SS18: variants seen among roughly 807,000 people sequenced by gnomAD.
SS18 encodes the protein protein SSXT.
Under a neutral mutation model 72.5 loss-of-function variants are expected in SS18, and 28 were observed. That is an observed-to-expected ratio of 0.39 (90% confidence interval 0.29 to 0.53). SS18 has a LOEUF of 0.53. Among genes scored for constraint, SS18 ranks in the 20% least tolerant of loss-of-function variants. The pLI is 0.76. For missense variants in SS18, 518 were observed against 535.3 expected (o/e 0.97, Z 0.32); for synonymous variants, 172 against 164.2 (o/e 1.05, Z -0.37).
chr18:26,081,728 G>A (rs1598612604), intron 2 of SS18, among the ~76,000 whole-genome samples: 1 of 151,968 alleles, frequency 6.6e-6, no homozygotes, highest in East Asian at 1.9e-4. Flanking sequence ...GTTTCTCACT[G>A]AAACAGTTTA....
In SS18 at chr18:26,035,894, A is replaced by G; in HGVS notation, c.910T>C (p.Ser304Pro). The G allele has an allele frequency of 6.2e-7, 1 of 1,601,420 alleles. No individual in the cohort carries two copies. Among genetic ancestry groups the G allele is most frequent in the Non-Finnish European group, 8.5e-7 (1 of 1,172,492 alleles). Residue 304 changes from serine (S) to proline (P), a missense_variant, in exon 8 of 11, where the codon TCG (serine) becomes CCG (proline). By Grantham distance (74) the Ser-to-Pro change is moderately conservative. Coordinates refer to ENST00000415083, the MANE Select transcript of SS18 (RefSeq NM_001007559.3). This position sits in a 1 kb window ranked among gnomAD's most constrained non-coding sequence, Gnocchi z 4.4. The stretch of plus-strand genomic sequence containing the variant: ...CTATCGTAGCCTTGTTCAGGATACG[A>G]CGGTTGCTGATAACCGTAATCATTA... ...GHNDYGYQQP[S>P]YPEQGYDRPY... is the part of the protein sequence containing the mutation.
chr18:26,090,078 C>G (rs750529907), intron 1 of SS18: 1 of 173,228 alleles, frequency 5.8e-6, no homozygotes, highest in Non-Finnish European at 1.2e-5. Context: ...CCTGCCGCGA[C>G]CCGCGGTGGG....
chr18:26,075,816 T>C (rs1052046720), intron 3 of SS18, among the ~76,000 whole-genome samples: 2 of 151,764 alleles, frequency 1.3e-5, no homozygotes, highest in East Asian at 3.8e-4. Flanking sequence ...GATATGATCA[T>C]GAATACAGAA....
In SS18 at chr18:26,043,337, AT is replaced by A. The variant is rs576099871; in HGVS notation, c.608-3882del. ...TATAATATATCTCTATCACTGTAAT[AT>A]AAAAACCTTAAAATATAAGAAATTT... On this transcript the variant is annotated intron_variant, in intron 5 of 10. Transcript: ENST00000415083. 2.0e-3 allele frequency among the ~76,000 whole-genome samples: 312 copies of A among 152,280 alleles called. 1 individual carries two copies. Among genetic ancestry groups the A allele is most frequent in the African/African-American group, 7.4e-3 (306 of 41,570 alleles).
At chr18:26,037,192 ATGAAT>A in intron 7 of SS18, among the ~76,000 whole-genome samples, 1 of 152,240 alleles carries the variant, frequency 6.6e-6, no homozygotes, top group African/African-American at 2.4e-5. Flanking sequence ...CACTAATAAA[ATGAAT>A]TAAAGTAACC....
chr18:26,039,215 C>G (rs1039715233), intron 6 of SS18, 74 bp downstream of exon 6: 16 of 533,384 alleles, frequency 3.0e-5, no homozygotes, highest in Non-Finnish European at 4.2e-5. Flanking sequence ...CTGACTTTGT[C>G]TAGATTAAAA....
chr18:26,047,750 G>A (rs1466407654), intron 5 of SS18, among the ~76,000 whole-genome samples: 1 of 152,198 alleles, frequency 6.6e-6, no homozygotes, highest in Non-Finnish European at 1.5e-5. Context: ...CACTGAGGCA[G>A]GAGAATGGCA....
intron 10 of SS18, among the ~76,000 whole-genome samples, chr18:26,031,874 G>A (rs935944452): frequency 1.3e-5 from 2 of 152,062 alleles, no homozygotes; most frequent in African/African-American, 4.8e-5. Flanking sequence ...GAGTGCTCAT[G>A]AAAGCATCAA....
In SS18 at chr18:26,017,580, C is replaced by G. The variant is rs1308040994; in HGVS notation, c.*774G>C. The stretch of plus-strand genomic sequence containing the variant: ...TACCAAAGCCTCCTCAGATCCAACA[C>G]AAAGTAATTCTTATTGCCTCACATT... On this transcript the variant is annotated 3_prime_UTR_variant, in exon 11 of 11. Coordinates refer to ENST00000415083, the MANE Select transcript of SS18 (RefSeq NM_001007559.3). 1.5e-5 allele frequency: 3 copies of G among 202,510 alleles called. No individual in the cohort carries two copies. In the Admixed American group the frequency reaches 1.8e-4, roughly 12 times the overall value. The allele number at this position is 202,510 out of a possible 1,614,324, so 12.5% of individuals were successfully genotyped here. A position where few individuals can be genotyped will look rare whatever the true frequency, so the allele number is the denominator to read the frequency against.
At chr18:26,032,648 A>G in intron 9 of SS18, 116 bp from the exon 10 acceptor site, 1 of 1,195,496 alleles carries the variant, frequency 8.4e-7, no homozygotes, top group Non-Finnish European at 1.1e-6. Flanking sequence ...AAAAAAAGAT[A>G]GTTTGGTACC....
Position 26,087,576 on chromosome 18 carries a change from A to G in SS18, c.71T>C (p.Met24Thr), listed in dbSNP as rs2054638206. The G allele has an allele frequency of 1.9e-6, 3 of 1,558,430 alleles. No homozygotes were observed. Among genetic ancestry groups the G allele is most frequent in the Non-Finnish European group, 2.6e-6 (3 of 1,140,242 alleles). Reference sequence around the variant, plus strand: ...AATAAGATGGTTATTGTCATCCAACATCTGAAACAGAATTAGAAAAGGTTT... The same window carrying G: ...AATAAGATGGTTATTGTCATCCAACGTCTGAAACAGAATTAGAAAAGGTTT... ...GEITPAAIQK[M>T]LDDNNHLIQC... is the part of the protein sequence containing the mutation. Residue 24 changes from methionine to threonine, a missense_variant and splice_region_variant, in exon 2 of 11, where the codon ATG becomes ACG. Met to Thr is a moderately conservative substitution (Grantham distance 81). Coordinates refer to ENST00000415083, the MANE Select transcript of SS18 (RefSeq NM_001007559.3).
intron 10 of SS18, among the ~76,000 whole-genome samples, chr18:26,019,798 A>C (rs1252134885): frequency 2.0e-5 from 3 of 149,946 alleles, no homozygotes; most frequent in East Asian, 2.0e-4. Context: ...TCAAAAAAAA[A>C]AAAAAAAAAA....
chr18:26,022,367 G>C (rs1037694066), intron 10 of SS18, among the ~76,000 whole-genome samples: 1 of 151,490 alleles, frequency 6.6e-6, no homozygotes, highest in Non-Finnish European at 1.5e-5. Flanking sequence ...GTCAAATGAA[G>C]AGAAATGTTA....
chr18:26,025,095 T>C (rs2053423015), intron 10 of SS18, among the ~76,000 whole-genome samples: 1 of 152,094 alleles, frequency 6.6e-6, no homozygotes, highest in African/African-American at 2.4e-5. Context: ...AGTAAATTCA[T>C]CAGAAAGATT....
chr18:26,041,430 C>CAAAAA (rs1555646575), intron 5 of SS18, among the ~76,000 whole-genome samples: 1 of 152,002 alleles, frequency 6.6e-6, no homozygotes, highest in African/African-American at 2.4e-5. Context: ...GCCTCAAAAA[C>CAAAAA]CAAAACAAAA....
Position 26,043,184 on chromosome 18 carries a change from C to A in SS18, c.608-3728G>T, listed in dbSNP as rs116148562. ...GACCTTACCCAAAGCTGTACTGCTA[C>A]GAAAGGCTCTAAAGTAGCATAGCTA... On this transcript the variant is annotated intron_variant, in intron 5 of 10. Transcript: ENST00000415083. Among the ~76,000 whole-genome samples, 1,329 of 152,232 alleles carry A rather than the reference C, an allele frequency of 8.7e-3. 18 individuals carry two copies. The highest frequency in any genetic ancestry group is 0.03 in the African/African-American group (1,257 of 41,552).
chr18:26,030,319 A>C lies in SS18; in HGVS notation c.1230+2080T>G, dbSNP rs986395441. Among the ~76,000 whole-genome samples, 4 of 152,156 alleles carry C rather than the reference A, an allele frequency of 2.6e-5. No homozygotes were observed. The South Asian group carries it at 8.3e-4, about 32-fold the overall frequency. ...TTCATCATCCACATCTACCTGGCTA[A>C]TATTGGCTCATCCTTGGTACTTCAC... On this transcript the variant is annotated intron_variant, in intron 10 of 10. Coordinates refer to ENST00000415083, the MANE Select transcript of SS18 (RefSeq NM_001007559.3).
At chr18:26,021,916 A>G (rs1390622496) in intron 10 of SS18, among the ~76,000 whole-genome samples, 1 of 152,220 alleles carries the variant, frequency 6.6e-6, no homozygotes, top group Non-Finnish European at 1.5e-5. Flanking sequence ...AATTTCCAGA[A>G]GAGAGATTGA....
intron 3 of SS18, among the ~76,000 whole-genome samples, chr18:26,076,293 TTAAGTA>T (rs1202193544): frequency 6.8e-6 from 1 of 147,210 alleles, no homozygotes; most frequent in African/African-American, 2.5e-5. Flanking sequence ...AGGAATAAGA[TTAAGTA>T]TAACAAGAGA....
Sources: gnomAD v4.1 joint callset for allele counts (sites outside exome capture counted in the v4.1 genomes callset) on GRCh38, gnomAD v4.1.1 for gene constraint, Gnocchi (gnomAD v3.1) non-coding constraint, MANE v1.5 for transcripts, NCBI Gene and HGNC (gene_info 2026-07-23, HGNC 2026-07-21) for gene names.